Variants in PCDHA11 observed in about 807,000 individuals in gnomAD.
PCDHA11 encodes the protein protocadherin alpha-11.
In PCDHA11, 61 loss-of-function variants were observed where a neutral mutation model predicts 70.3. The ratio of observed to expected loss-of-function variants is 0.87; its 90% CI spans 0.71 to 1.07. The LOEUF is 1.07. Ranked by LOEUF, PCDHA11 falls within the 50% of genes least tolerant of loss-of-function variation. PCDHA11 has a pLI of 0.00. For synonymous variants in PCDHA11, 633 were observed against 555.1 expected (o/e 1.14, Z -1.97); for missense variants, 1,324 against 1,237.5 (o/e 1.07, Z -1.05).
chr5:140,959,449 A>G (rs2095488988), intron 1 of PCDHA11, among the ~76,000 whole-genome samples: 1 of 152,196 alleles, frequency 6.6e-6, no homozygotes, highest in South Asian at 2.1e-4. Context: ...TTTTGTGCTG[A>G]AAAGCTGAAG....
chr5:140,894,603 C>G (rs782068626), intron 1 of PCDHA11, among the ~76,000 whole-genome samples: 1 of 151,756 alleles, frequency 6.6e-6, no homozygotes, highest in African/African-American at 2.4e-5. Context: ...TTTCTCATCT[C>G]TCTTTTCAAA....
rs1307653192 is a variant in PCDHA11, at chr5:141,009,883, G to C, written c.2796G>C (p.Lys932Asn). 1.2e-6 allele frequency: 2 copies of C among 1,613,212 alleles called. No individual in the cohort carries two copies. Among genetic ancestry groups the C allele is most frequent in the Non-Finnish European group, 1.7e-6 (2 of 1,179,888 alleles). Reference sequence around the variant, plus strand: ...AGAAGAAAAAGAAGAAGGGTAACAAGACCCAGGAGAAAAAAGAGAAAGGGA... The same window carrying C: ...AGAAGAAAAAGAAGAAGGGTAACAACACCCAGGAGAAAAAAGAGAAAGGGA... ...KKKKKKKKGNKTQEKKEKGNS... is the reference protein window; with the variant it reads ...KKKKKKKKGNNTQEKKEKGNS... The change falls in exon 4 of 4, where the codon AAG becomes AAC. Residue 932 changes from lysine (K) to asparagine (N), a missense_variant. Coordinates refer to ENST00000398640, the MANE Select transcript of PCDHA11 (RefSeq NM_018902.5).
chr5:140,929,257 C>G, intron 1 of PCDHA11: 2 of 1,612,972 alleles, frequency 1.2e-6, no homozygotes, highest in Admixed American at 3.3e-5. Flanking sequence ...TGGGGTAGGA[C>G]TGAATTTGCC....
At chr5:140,951,737 C>T (rs1223539805) in intron 1 of PCDHA11, among the ~76,000 whole-genome samples, 1 of 152,130 alleles carries the variant, frequency 6.6e-6, no homozygotes, top group Non-Finnish European at 1.5e-5. Context: ...CATTCTGCCA[C>T]TGCCCTCACC....
chr5:140,878,802 A>T (rs2057733011), intron 1 of PCDHA11, among the ~76,000 whole-genome samples: 1 of 152,224 alleles, frequency 6.6e-6, no homozygotes, highest in Non-Finnish European at 1.5e-5. Context: ...TTTTAAAAAC[A>T]TATGGGGGTC....
In PCDHA11 at chr5:140,900,825, C is replaced by T. The variant is rs568337253; in HGVS notation, c.2391+29331C>T. On this transcript the variant is annotated intron_variant, in intron 1 of 3. Coordinates refer to ENST00000398640, the MANE Select transcript of PCDHA11 (RefSeq NM_018902.5). Reference sequence around the variant, plus strand: ...TGCTTGTACTAATTTACATTCCCACCAACAATGTACAAAGTTTCCCTTTTT... The same window carrying T: ...TGCTTGTACTAATTTACATTCCCACTAACAATGTACAAAGTTTCCCTTTTT... Among the ~76,000 whole-genome samples, 8 of 152,276 alleles carry T rather than the reference C, an allele frequency of 5.3e-5. No homozygotes were observed. The South Asian group carries it at 1.7e-3, about 32-fold the overall frequency.
intron 1 of PCDHA11, among the ~76,000 whole-genome samples, chr5:140,960,124 T>C (rs966679082): frequency 3.3e-5 from 5 of 152,216 alleles, no homozygotes; most frequent in African/African-American, 1.2e-4. Flanking sequence ...GTATTCCTTA[T>C]GAAATACTTA....
intron 1 of PCDHA11, among the ~76,000 whole-genome samples, chr5:140,933,379 G>A (rs1403607512): frequency 6.6e-6 from 1 of 151,928 alleles, no homozygotes; most frequent in East Asian, 1.9e-4. Flanking sequence ...TTCCTTGGCT[G>A]TTCCTAGAGC....
chr5:140,986,714 CATT>C (rs1426352732), intron 3 of PCDHA11, among the ~76,000 whole-genome samples: 4 of 152,118 alleles, frequency 2.6e-5, no homozygotes, highest in Non-Finnish European at 4.4e-5. Flanking sequence ...CAGAAGATAA[CATT>C]ATAGCTTCTC....
rs556593659 is a variant in PCDHA11, at chr5:140,966,652, G to A, written c.2392-12297G>A. ...CCCAGGCGCTTTCTAGAGCGTGAGC[G>A]GTGGGGGAGCAGGCGCAGGGTGGCA... On this transcript the variant is annotated intron_variant, in intron 1 of 3. Coordinates refer to ENST00000398640, the MANE Select transcript of PCDHA11 (RefSeq NM_018902.5). 1.0e-5 allele frequency: 12 copies of A among 1,169,200 alleles called. No homozygotes were observed. In the Admixed American group the frequency reaches 2.0e-4, roughly 19 times the overall value. The allele number at this position is 1,169,200 out of a possible 1,614,324, so 72.4% of individuals were successfully genotyped here.
chr5:140,944,273 G>A (rs1208171689), intron 1 of PCDHA11, among the ~76,000 whole-genome samples: 2 of 152,098 alleles, frequency 1.3e-5, no homozygotes, highest in African/African-American at 4.8e-5. Flanking sequence ...CTGCAGCCTT[G>A]ACACCCCGGG....
chr5:140,901,611 T>C (rs1261733801), intron 1 of PCDHA11, among the ~76,000 whole-genome samples: 1 of 152,204 alleles, frequency 6.6e-6, no homozygotes, highest in Non-Finnish European at 1.5e-5. Flanking sequence ...ATCTCTATGG[T>C]ATAATTTGAA....
intron 1 of PCDHA11, among the ~76,000 whole-genome samples, chr5:140,914,821 A>G (rs1046692794): frequency 6.6e-6 from 1 of 152,212 alleles, no homozygotes; most frequent in Non-Finnish European, 1.5e-5. Flanking sequence ...AACAGACTGC[A>G]TAAACAAAAA....
chr5:140,898,018 C>G (rs1189161004), intron 1 of PCDHA11, among the ~76,000 whole-genome samples: 1 of 152,062 alleles, frequency 6.6e-6, no homozygotes, highest in African/African-American at 2.4e-5. Flanking sequence ...TATCCTTTGC[C>G]CACTTTTTGA....
intron 3 of PCDHA11, among the ~76,000 whole-genome samples, chr5:140,999,125 G>C (rs1554256627): frequency 6.6e-6 from 1 of 152,152 alleles, no homozygotes; most frequent in South Asian, 2.1e-4. Context: ...TTCTAAGCTG[G>C]AAAATGTCAC....
chr5:140,970,854 T>G (rs2096437899), intron 1 of PCDHA11, among the ~76,000 whole-genome samples: 1 of 152,148 alleles, frequency 6.6e-6, no homozygotes, highest in Non-Finnish European at 1.5e-5. Flanking sequence ...GCACAAAAGT[T>G]CCATTCCTGA....
chr5:140,965,794 C>T (rs1554227851), intron 1 of PCDHA11, among the ~76,000 whole-genome samples: 1 of 152,170 alleles, frequency 6.6e-6, no homozygotes, highest in Non-Finnish European at 1.5e-5. Flanking sequence ...TTCATGGAGA[C>T]TATTTTTTTA....
At chr5:141,006,403 C>T (rs2098271999) in intron 3 of PCDHA11, among the ~76,000 whole-genome samples, 1 of 151,934 alleles carries the variant, frequency 6.6e-6, no homozygotes, top group Non-Finnish European at 1.5e-5. Context: ...TTAGTAGAGA[C>T]GCGGTTTCAC....
Position 140,871,289 on chromosome 5 carries a change from G to T in PCDHA11, c.2186G>T (p.Gly729Val), listed in dbSNP as rs955449203. The T allele has an allele frequency of 6.2e-7, 1 of 1,613,910 alleles. No individual in the cohort carries two copies. Among genetic ancestry groups the T allele is most frequent in the Non-Finnish European group, 8.5e-7 (1 of 1,179,934 alleles). The stretch of plus-strand genomic sequence containing the variant: ...TGGTGGTCGGCAACGCCCACTGAGG[G>T]CGCGTGCGCGCCGGGGAAGCCCACG... ...ALWWSATPTEGACAPGKPTLV... is the reference protein window; with the variant it reads ...ALWWSATPTEVACAPGKPTLV... The change falls in exon 1 of 4, where the codon GGC becomes GTC. Residue 729 changes from glycine to valine, a missense_variant. Gly to Val is a moderately radical substitution (Grantham distance 109). Transcript: ENST00000398640.
Sources: gnomAD v4.1 joint callset for allele counts (sites outside exome capture counted in the v4.1 genomes callset) on GRCh38, gnomAD v4.1.1 for gene constraint, MANE v1.5 for transcripts, NCBI Gene and HGNC (gene_info 2026-07-23, HGNC 2026-07-21) for gene names.